Variants in CCDC88C observed in about 807,000 individuals in gnomAD.
The protein encoded by CCDC88C is protein Daple.
In CCDC88C, 131 loss-of-function variants were observed where a neutral mutation model predicts 198.8. The ratio of observed to expected loss-of-function variants is 0.66; its 90% CI spans 0.57 to 0.76. CCDC88C has a LOEUF of 0.76. Ranked by LOEUF, CCDC88C falls within the 30% of genes least tolerant of loss-of-function variation. CCDC88C has a pLI of 0.00. For synonymous variants in CCDC88C, 1,166 were observed against 1,114.7 expected (o/e 1.05, Z -0.92); for missense variants, 2,553 against 2,631.6 (o/e 0.97, Z 0.65).
At chr14:91,395,820 T>C (rs1885805917) in intron 3 of CCDC88C, among the ~76,000 whole-genome samples, 1 of 152,058 alleles carries the variant, frequency 6.6e-6, no homozygotes, top group Non-Finnish European at 1.5e-5. Flanking sequence ...CCCTCAACCC[T>C]TAGCCTCCCC....
chr14:91,309,234 A>G (rs2139794415), intron 16 of CCDC88C, among the ~76,000 whole-genome samples: 1 of 152,316 alleles, frequency 6.6e-6, no homozygotes, highest in Non-Finnish European at 1.5e-5. Context: ...CTTCGTCTCA[A>G]AACAACAACA....
intron 19 of CCDC88C, among the ~76,000 whole-genome samples, chr14:91,304,656 T>C (rs905821326): frequency 1.3e-5 from 2 of 152,178 alleles, no homozygotes; most frequent in Non-Finnish European, 2.9e-5. Flanking sequence ...GGATATAGAA[T>C]ACCTGAACAA....
At chr14:91,401,110 T>C (rs1029814462) in intron 3 of CCDC88C, among the ~76,000 whole-genome samples, 5 of 151,392 alleles carry the variant, frequency 3.3e-5, no homozygotes, top group East Asian at 1.9e-4. Flanking sequence ...AGCCACACTT[T>C]AGAAACACAC....
At chr14:91,294,371 T>G (rs1890906744) in intron 22 of CCDC88C, 53 bp from the exon 23 acceptor site, 1 of 1,590,666 alleles carries the variant, frequency 6.3e-7, no homozygotes, top group South Asian at 1.1e-5. Flanking sequence ...GTGTTCCCAC[T>G]GCTGGGAACC....
At chr14:91,406,136 C>G (rs1318003517) in intron 3 of CCDC88C, among the ~76,000 whole-genome samples, 1 of 152,252 alleles carries the variant, frequency 6.6e-6, no homozygotes, top group Non-Finnish European at 1.5e-5. Flanking sequence ...ACCCCAAGAA[C>G]AGCAAACTGC....
Position 91,302,676 on chromosome 14 carries a change from G to A in CCDC88C, c.3635+1025C>T, listed in dbSNP as rs554180741. Among the ~76,000 whole-genome samples the A allele has an allele frequency of 7.2e-5, 11 of 152,290 alleles. 1 individual carries two copies. The South Asian group carries it at 2.1e-3, about 29-fold the overall frequency. On this transcript the variant is annotated intron_variant, in intron 20 of 29. Coordinates refer to ENST00000389857, the MANE Select transcript of CCDC88C (RefSeq NM_001080414.4). ...AGGTGCACATGAAATGAGAACAGCAGGACATAAATGACTGTCGAGAGTGCA... is the reference window on the plus strand; with the variant it reads ...AGGTGCACATGAAATGAGAACAGCAAGACATAAATGACTGTCGAGAGTGCA...
chr14:91,277,970 G>A lies in CCDC88C; in HGVS notation c.5010C>T (p.Val1670=). Residue 1670 remains valine (V), a synonymous_variant, in exon 29 of 30, where the codon GTC becomes GTT. Coordinates refer to ENST00000389857, the MANE Select transcript of CCDC88C (RefSeq NM_001080414.4). ...TCTCCTCCAGGAACTCCTCCAAGGTGACCATCTCACTGCTGGGGGAGGCCG... is the reference window on the plus strand; with the variant it reads ...TCTCCTCCAGGAACTCCTCCAAGGTAACCATCTCACTGCTGGGGGAGGCCG... The part of the protein sequence containing the change: ...PCSASPSSEM[V]TLEEFLEESN... 6.4e-7 allele frequency: 1 copy of A among 1,554,498 alleles called. No homozygotes were observed. Among genetic ancestry groups the A allele is most frequent in the South Asian group, 1.2e-5 (1 of 84,888 alleles).
At chr14:91,417,539 G>T in intron 1 of CCDC88C, 92 bp downstream of exon 1, 1 of 1,247,684 alleles carries the variant, frequency 8.0e-7, no homozygotes, top group Admixed American at 2.3e-5. Flanking sequence ...AGCCACCCGG[G>T]GCCCCGGCCG....
intron 22 of CCDC88C, among the ~76,000 whole-genome samples, chr14:91,294,987 T>A (rs945304543): frequency 6.6e-6 from 1 of 152,158 alleles, no homozygotes; most frequent in African/African-American, 2.4e-5. Flanking sequence ...TTCTAGAGTA[T>A]GATTGGGGTG....
intron 19 of CCDC88C, 30 bp downstream of exon 19, chr14:91,305,735 G>T: frequency 4.4e-6 from 7 of 1,584,254 alleles, no homozygotes; most frequent in Non-Finnish European, 6.0e-6. Flanking sequence ...CGCCAGGCTT[G>T]TGACCACTGG....
At chr14:91,399,606 G>C (rs1886050652) in intron 3 of CCDC88C, among the ~76,000 whole-genome samples, 1 of 152,162 alleles carries the variant, frequency 6.6e-6, no homozygotes, top group Admixed American at 6.5e-5. Context: ...GGGAGGCCGA[G>C]GCAGGTGGAT....
chr14:91,370,005 T>C (rs557433338), intron 3 of CCDC88C, among the ~76,000 whole-genome samples: 1 of 152,202 alleles, frequency 6.6e-6, no homozygotes, highest in Non-Finnish European at 1.5e-5. Flanking sequence ...GAAACAAACA[T>C]AAGTCGGTTC....
intron 25 of CCDC88C, among the ~76,000 whole-genome samples, chr14:91,287,448 T>C (rs1397971027): frequency 6.6e-6 from 1 of 152,046 alleles, no homozygotes; most frequent in Non-Finnish European, 1.5e-5. Flanking sequence ...CCTCCTGGGC[T>C]CAAGTCGACT....
In CCDC88C at chr14:91,352,210, C is replaced by T. The variant is rs1274542215; in HGVS notation, c.340+7432G>A. On this transcript the variant is annotated intron_variant, in intron 4 of 29. Transcript: ENST00000389857. This position sits in a 1 kb window ranked among gnomAD's most constrained non-coding sequence, Gnocchi z 4.2. ...GCTGGAAGCCATGGTGTGGCTGTTG[C>T]AGCCAGCGGCGTTCTCTGTGTGCCT... Among the ~76,000 whole-genome samples, 1 of 152,252 alleles carries T rather than the reference C, an allele frequency of 6.6e-6. No homozygotes were observed. Among genetic ancestry groups the T allele is most frequent in the Non-Finnish European group, 1.5e-5 (1 of 68,042 alleles).
intron 25 of CCDC88C, among the ~76,000 whole-genome samples, chr14:91,287,637 T>TC (rs1890472653): frequency 2.4e-5 from 2 of 82,604 alleles, no homozygotes; most frequent in Non-Finnish European, 5.0e-5. Context: ...GCACCAGGTC[T>TC]TTTTTTTTTT....
At chr14:91,295,790 C>G (rs1218501590) in intron 22 of CCDC88C, among the ~76,000 whole-genome samples, 1 of 152,178 alleles carries the variant, frequency 6.6e-6, no homozygotes, top group Admixed American at 6.5e-5. Flanking sequence ...TACAGTGAAG[C>G]CCTAAGCCCC....
Position 91,313,933 on chromosome 14 carries a change from T to C in CCDC88C, c.1883A>G (p.Glu628Gly). The change falls in exon 15 of 30, where the codon GAG (glutamate) becomes GGG (glycine). Residue 628 changes from glutamate to glycine, a missense_variant. Physicochemically the swap from Glu to Gly is moderately conservative, Grantham distance 98 (BLOSUM62 -2). Coordinates refer to ENST00000389857, the MANE Select transcript of CCDC88C (RefSeq NM_001080414.4). This position sits in a 1 kb window ranked among gnomAD's most constrained non-coding sequence, Gnocchi z 5.2. Reference protein sequence around the residue: ...RDLEQAKEKGERAEKLERELQ... With the variant: ...RDLEQAKEKGGRAEKLERELQ... ...CTCCCTCTCCAGCTTCTCTGCCCGC[T>C]CCCCCTTCTCCTTGGCCTGCTCCAA... 6.2e-7 allele frequency: 1 copy of C among 1,612,348 alleles called. No homozygotes were observed.
chr14:91,398,482 C>T (rs1421556503), intron 3 of CCDC88C, among the ~76,000 whole-genome samples: 1 of 152,014 alleles, frequency 6.6e-6, no homozygotes, highest in African/African-American at 2.4e-5. Context: ...AGTGAGACCC[C>T]ATCTCTACAA....
In CCDC88C at chr14:91,289,278, C is replaced by T. The variant is rs746821404; in HGVS notation, c.4268G>A (p.Arg1423Lys). Residue 1423 changes from arginine to lysine, a missense_variant, in exon 25 of 30, where the codon AGG (arginine) becomes AAG (lysine). Arg to Lys is a conservative substitution (Grantham distance 26). Transcript: ENST00000389857. ...GTCCACGGTGGATTTTAAGCGTTCC[C>T]TCGAACCCTCTTTCTTTGGTTTGAT... is the stretch of plus-strand genomic sequence containing the variant. Reference protein sequence around the residue: ...KLIKPKKEGSRERLKSTVDSP... With the variant: ...KLIKPKKEGSKERLKSTVDSP... 3.7e-6 allele frequency: 6 copies of T among 1,614,060 alleles called. No individual in the cohort carries two copies. The highest frequency in any genetic ancestry group is 2.2e-5 in the South Asian group (2 of 91,090).
Sources: gnomAD v4.1 joint callset for allele counts (sites outside exome capture counted in the v4.1 genomes callset) on GRCh38, gnomAD v4.1.1 for gene constraint, Gnocchi (gnomAD v3.1) non-coding constraint, MANE v1.5 for transcripts, NCBI Gene and HGNC (gene_info 2026-07-23, HGNC 2026-07-21) for gene names.